Variants in LIPK observed in about 807,000 individuals in gnomAD.
LIPK encodes lipase family member K.
LIPK carries 32 observed loss-of-function variants against 48.6 expected under a neutral mutation model. The observed-to-expected ratio is 0.66, with a 90% confidence interval of 0.50 to 0.88. The LOEUF (loss-of-function observed/expected upper bound fraction) is 0.88, where lower values mean the gene tolerates loss of function less well. Ranked by LOEUF, LIPK falls within the 40% of genes least tolerant of loss-of-function variation. The probability of loss-of-function intolerance (pLI) is 0.00; values close to 1 mark genes in which losing one functional copy is unlikely to be tolerated. For synonymous variants in LIPK, 164 were observed against 157.4 expected (o/e 1.04, Z -0.32); for missense variants, 507 against 478.5 (o/e 1.06, Z -0.56).
chr10:88,734,873 TTCTCC>T (rs895701161), intron 6 of LIPK, among the ~76,000 whole-genome samples: 1 of 152,214 alleles, frequency 6.6e-6, no homozygotes, highest in Non-Finnish European at 1.5e-5. Context: ...CGGGCTTTCT[TTCTCC>T]TCTCCTCTCC....
At chr10:88,713,305 C>T (rs1653844) in intron 1 of LIPK, among the ~76,000 whole-genome samples, 119,186 of 152,186 alleles carry the variant, frequency 0.78, 47,616 homozygotes, top group East Asian at 1. Context: ...TTTTTAAAGT[C>T]AACGCCATAT....
intron 3 of LIPK, 113 bp from the exon 4 acceptor site, chr10:88,730,870 T>C (rs10887850): frequency 0.38 from 363,163 of 961,016 alleles, 70,661 homozygotes; most frequent in East Asian, 0.56. Flanking sequence ...TTGCCTGGCA[T>C]CAAATTTTAT....
chr10:88,735,340 G>A lies in LIPK; in HGVS notation c.670-2295G>A, dbSNP rs544107334. 3.3e-5 allele frequency among the ~76,000 whole-genome samples: 5 copies of A among 151,934 alleles called. No individual in the cohort carries two copies. In the South Asian group the frequency reaches 6.3e-4, roughly 19 times the overall value. The stretch of plus-strand genomic sequence containing the variant: ...ATTGCTTTGATCCTTTGCTTTTGAC[G>A]TGTCTCTACAACATTAAAGATTGTT... On this transcript the variant is annotated intron_variant, in intron 6 of 9. Coordinates refer to ENST00000404190, the MANE Select transcript of LIPK (RefSeq NM_001080518.2).
chr10:88,744,730 C>T (rs1193425172), intron 9 of LIPK, among the ~76,000 whole-genome samples: 1 of 152,150 alleles, frequency 6.6e-6, no homozygotes, highest in African/African-American at 2.4e-5. Context: ...AGGCAAATGA[C>T]CTCTAAATGA....
rs540573332 is a variant in LIPK, at chr10:88,710,707, T to A, written c.-12+4387T>A. On this transcript the variant is annotated intron_variant, in intron 1 of 9. Transcript: ENST00000404190. ...ATTCCATTACATAAATATAACATGA[T>A]TATGTGTCCATTCTACTACTAATGG... Among the ~76,000 whole-genome samples the A allele has an allele frequency of 3.3e-5, 5 of 152,260 alleles. No individual in the cohort carries two copies. In the South Asian group the frequency reaches 1.0e-3, roughly 32 times the overall value.
At chr10:88,710,367 C>T (rs913517355) in intron 1 of LIPK, among the ~76,000 whole-genome samples, 3 of 152,012 alleles carry the variant, frequency 2.0e-5, no homozygotes, top group Admixed American at 6.6e-5. Context: ...TAGTTTACAC[C>T]AGCACTAGTA....
rs142938382 is a variant in LIPK at position 88,731,766 on chromosome 10, A to G, written c.423-412A>G. ...GAAGTAACTGAGGTCATTGTTAAAT[A>G]TGCAGATTACTGGGTCTCTTCCCAG... On this transcript the variant is annotated intron_variant, in intron 4 of 9. Coordinates refer to ENST00000404190, the MANE Select transcript of LIPK (RefSeq NM_001080518.2). Among the ~76,000 whole-genome samples the G allele has an allele frequency of 6.6e-5, 10 of 152,376 alleles. No homozygotes were observed. The East Asian group carries it at 1.3e-3, about 21-fold the overall frequency.
intron 2 of LIPK, among the ~76,000 whole-genome samples, chr10:88,726,258 G>T (rs1168541195): frequency 6.6e-6 from 1 of 152,200 alleles, no homozygotes; most frequent in East Asian, 1.9e-4. Flanking sequence ...GAGCAAACAA[G>T]AATGTAGGGT....
chr10:88,744,907 G>A (rs1842740908), intron 9 of LIPK, among the ~76,000 whole-genome samples: 1 of 152,142 alleles, frequency 6.6e-6, no homozygotes. Flanking sequence ...AGAGCTGAAA[G>A]ATGAAATAGC....
chr10:88,748,961 A>G (rs943699869), intron 9 of LIPK, among the ~76,000 whole-genome samples: 8 of 152,190 alleles, frequency 5.3e-5, no homozygotes, highest in Non-Finnish European at 1.0e-4. Context: ...ATACAAAATC[A>G]ATGTACCAAA....
chr10:88,731,079 C>A lies in LIPK; in HGVS notation c.320C>A (p.Ala107Glu). The A allele has an allele frequency of 1.2e-6, 2 of 1,606,042 alleles. No homozygotes were observed. Among genetic ancestry groups the A allele is most frequent in the South Asian group, 2.2e-5 (2 of 89,090 alleles). ...AACAACAGTTTGGCTTTCCTTCTGGCAGATAGTGGTTATGACGTGTGGTTG... is the reference window on the plus strand; with the variant it reads ...AACAACAGTTTGGCTTTCCTTCTGGAAGATAGTGGTTATGACGTGTGGTTG... ...LPNNSLAFLL[A>E]DSGYDVWLGN... Residue 107 changes from alanine (A) to glutamate (E), a missense_variant, in exon 4 of 10, where the codon GCA becomes GAA. Ala to Glu is a moderately radical substitution (Grantham distance 107, BLOSUM62 -1). Coordinates refer to ENST00000404190, the MANE Select transcript of LIPK (RefSeq NM_001080518.2).
chr10:88,739,156 A>T (rs774373274), intron 7 of LIPK, among the ~76,000 whole-genome samples: 6 of 146,248 alleles, frequency 4.1e-5, no homozygotes, highest in Non-Finnish European at 9.1e-5. Context: ...TATCCATAAG[A>T]TATCTAAATA....
chr10:88,752,409 T>C lies in LIPK; in HGVS notation c.961-108T>C, dbSNP rs74147266. ...TATATACCATTAAGTGTAAACTAAT[T>C]GTACACTTGTAGCATTTAAAGAACT... On this transcript the variant is annotated intron_variant, in intron 9 of 9. Coordinates refer to ENST00000404190, the MANE Select transcript of LIPK (RefSeq NM_001080518.2). 3.0e-3 allele frequency: 2,181 copies of C among 732,538 alleles called. 55 individuals carry two copies. In the East Asian group the frequency reaches 0.041, roughly 14 times the overall value. 45.4% of individuals were successfully genotyped at this position (732,538 alleles called of 1,614,324 possible). A position where few individuals can be genotyped will look rare whatever the true frequency, so the allele number is the denominator to read the frequency against.
chr10:88,718,926 T>C (rs1174423599), intron 1 of LIPK, among the ~76,000 whole-genome samples: 7 of 152,152 alleles, frequency 4.6e-5, no homozygotes. Context: ...TGGTACAAAA[T>C]ATGTTGTTAT....
chr10:88,742,121 C>T (rs923350674), intron 8 of LIPK, among the ~76,000 whole-genome samples: 2 of 151,926 alleles, frequency 1.3e-5, no homozygotes, highest in Non-Finnish European at 2.9e-5. Context: ...TGTGAGAACT[C>T]ACTCACTATC....
intron 9 of LIPK, 138 bp downstream of exon 9, chr10:88,743,459 G>A (rs940977574): frequency 2.5e-5 from 15 of 592,000 alleles, no homozygotes; most frequent in African/African-American, 2.2e-4. Context: ...TGCTTATTGG[G>A]TTCTTGCCAT....
intron 2 of LIPK, among the ~76,000 whole-genome samples, chr10:88,725,374 C>T (rs558216171): frequency 1.3e-5 from 2 of 152,226 alleles, no homozygotes; most frequent in Admixed American, 1.3e-4. Context: ...GCTTTTAATC[C>T]TTCTATAATG....
At chr10:88,743,397 T>G in intron 9 of LIPK, 76 bp downstream of exon 9, 1 of 1,057,178 alleles carries the variant, frequency 9.5e-7, no homozygotes, top group Non-Finnish European at 1.4e-6. Flanking sequence ...ATGAAGCACC[T>G]GCCACTTCCA....
intron 1 of LIPK, among the ~76,000 whole-genome samples, chr10:88,717,757 T>G (rs1415772659): frequency 6.6e-6 from 1 of 152,166 alleles, no homozygotes; most frequent in African/African-American, 2.4e-5. Context: ...AGAAATATAT[T>G]ACTCAAGACC....
Sources: allele counts gnomAD v4.1 joint callset (sites outside exome capture counted in the v4.1 genomes callset), GRCh38; gene constraint gnomAD v4.1.1; transcripts MANE v1.5; gene names NCBI Gene and HGNC (gene_info 2026-07-23, HGNC 2026-07-21).